The following STX5 variants were observed in gnomAD, a reference collection of about 807,000 sequenced individuals.
STX5 encodes the protein syntaxin 5, also known as syntaxin-5.
Under a neutral mutation model 42.9 loss-of-function variants are expected in STX5, and 15 were observed. The ratio of observed to expected loss-of-function variants is 0.35; its 90% CI spans 0.23 to 0.54. STX5 has a LOEUF of 0.54. Ranked by LOEUF, STX5 falls within the 20% of genes least tolerant of loss-of-function variation. The probability of loss-of-function intolerance (pLI) is 0.91; values close to 1 mark genes in which losing one functional copy is unlikely to be tolerated. For synonymous variants in STX5, 184 were observed against 173.2 expected (o/e 1.06, Z -0.49); for missense variants, 430 against 455.0 (o/e 0.95, Z 0.50).
chr11:62,812,843 T>C (rs2084633313), intron 10 of STX5, among the ~76,000 whole-genome samples: 1 of 151,722 alleles, frequency 6.6e-6, no homozygotes, highest in Non-Finnish European at 1.5e-5. Context: ...CCGGGTGCGG[T>C]GGCTCACGCC....
At chr11:62,808,104 A>G (rs1294023043) in intron 10 of STX5, 1 of 156,942 alleles carries the variant, frequency 6.4e-6, no homozygotes, top group East Asian at 1.9e-4. Flanking sequence ...GGAAAACATA[A>G]TGACACGGAC....
At chr11:62,812,204 A>C (rs2084624896) in intron 10 of STX5, among the ~76,000 whole-genome samples, 2 of 150,694 alleles carry the variant, frequency 1.3e-5, no homozygotes, top group African/African-American at 2.5e-5. Context: ...CAGCCTCCAG[A>C]GTAGCTGGGA....
At chr11:62,808,019 T>C (rs935267259) in intron 10 of STX5, 1 of 178,352 alleles carries the variant, frequency 5.6e-6, no homozygotes, top group African/African-American at 2.4e-5. Context: ...CTGGTGAGTA[T>C]GTATTATATT....
chr11:62,817,476 A>G (rs959345225), intron 10 of STX5, among the ~76,000 whole-genome samples: 10 of 152,230 alleles, frequency 6.6e-5, no homozygotes, highest in African/African-American at 1.9e-4. Context: ...CGAAAACAAA[A>G]AAGTCAACAT....
chr11:62,807,810 T>G, intron 10 of STX5, 182 bp from the exon 11 acceptor site: 1 of 1,148,736 alleles, frequency 8.7e-7, no homozygotes, highest in East Asian at 2.6e-5. Context: ...GAAAACCAAC[T>G]CTGCCATTTA....
chr11:62,820,317 C>T lies in STX5; in HGVS notation c.908+3849G>A, dbSNP rs892786959. On this transcript the variant is annotated intron_variant, in intron 10 of 10. Transcript: ENST00000294179. ...CTGTGAGGTGGAGCTTGCAGTGAGC[C>T]GAGATCACGCGACTGCACTCCAGCC... is the stretch of plus-strand genomic sequence containing the variant. Among the ~76,000 whole-genome samples, 4 of 148,952 alleles carry T rather than the reference C, an allele frequency of 2.7e-5. No individual in the cohort carries two copies. The Admixed American group carries it at 2.7e-4, about 10-fold the overall frequency.
intron 10 of STX5, among the ~76,000 whole-genome samples, chr11:62,820,951 T>C (rs2084734114): frequency 6.6e-6 from 1 of 152,200 alleles, no homozygotes; most frequent in Non-Finnish European, 1.5e-5. Context: ...TCTGTTTTAT[T>C]TCAATGGTTG....
At chr11:62,809,882 T>C (rs2084597487) in intron 10 of STX5, among the ~76,000 whole-genome samples, 1 of 151,272 alleles carries the variant, frequency 6.6e-6, no homozygotes, top group Admixed American at 6.6e-5. Context: ...GGTGGGCGGA[T>C]CACAAGTTCA....
chr11:62,823,842 T>G (rs138971336), intron 10 of STX5: 1 of 309,726 alleles, frequency 3.2e-6, no homozygotes, highest in East Asian at 7.4e-5. Flanking sequence ...TGTGAGTCAC[T>G]GTGCCAGCCT....
At chr11:62,813,873 C>T (rs1458220934) in intron 10 of STX5, among the ~76,000 whole-genome samples, 1 of 152,190 alleles carries the variant, frequency 6.6e-6, no homozygotes, top group Non-Finnish European at 1.5e-5. Flanking sequence ...AGAGCCAAGC[C>T]TTGATTTATG....
chr11:62,828,746 T>TAAATAAAC (rs141988478), intron 2 of STX5, among the ~76,000 whole-genome samples: 74 of 147,254 alleles, frequency 5.0e-4, no homozygotes, highest in East Asian at 2.0e-3. Context: ...AATAAATAAA[T>TAAATAAAC]AAACAAACAA....
intron 10 of STX5, among the ~76,000 whole-genome samples, chr11:62,808,237 G>T (rs1409065823): frequency 1.3e-5 from 2 of 151,396 alleles, no homozygotes; most frequent in Non-Finnish European, 1.5e-5. Context: ...ACCAGCCTAG[G>T]CAACATGGCA....
At chr11:62,829,805 C>T (rs2084835778) in intron 2 of STX5, among the ~76,000 whole-genome samples, 1 of 151,210 alleles carries the variant, frequency 6.6e-6, no homozygotes, top group Non-Finnish European at 1.5e-5. Context: ...TGACTCATAC[C>T]TGTAATCCCA....
rs139657014 is a variant in STX5, at chr11:62,807,616, G to A, written c.921C>T (p.Asn307=). The A allele has an allele frequency of 4.2e-5, 68 of 1,613,950 alleles. No homozygotes were observed. The highest frequency in any genetic ancestry group is 5.3e-5 in the Non-Finnish European group (63 of 1,180,008). The change falls in exon 11 of 11, where the codon AAC becomes AAT. Residue 307 remains asparagine (N), a synonymous_variant. Transcript: ENST00000294179. ...QEETIQRIDE[N]VLGAQLDVEA... The stretch of plus-strand genomic sequence containing the variant: ...CAACGTCCAGCTGGGCTCCTAGCAC[G>A]TTCTCGTCGATCCTGGGGACAAGGC...
intron 9 of STX5, 23 bp downstream of exon 9, chr11:62,824,436 T>C: frequency 6.2e-7 from 1 of 1,614,054 alleles, no homozygotes; most frequent in Non-Finnish European, 8.5e-7. Context: ...AAGCTGATTC[T>C]ACCTAGTTCA....
chr11:62,825,525 G>T lies in STX5; in HGVS notation c.438C>A (p.Leu146=), dbSNP rs773239319. 6.2e-7 allele frequency: 1 copy of T among 1,613,640 alleles called. No homozygotes were observed. The highest frequency in any genetic ancestry group is 1.1e-5 in the South Asian group (1 of 91,044). The change falls in exon 6 of 11, where the codon CTC becomes CTA. Residue 146 remains leucine (L), a synonymous_variant. Transcript: ENST00000294179. ...CCTGGAGCTGAGCAATTTGTTTGTT[G>T]AGGCTATTGATGTCCTGGTAAAAGA... The part of the protein sequence containing the change: ...TYIIKQDINS[L]NKQIAQLQDF...
At chr11:62,814,442 T>C (rs1362008299) in intron 10 of STX5, among the ~76,000 whole-genome samples, 1 of 149,014 alleles carries the variant, frequency 6.7e-6, no homozygotes, top group Admixed American at 6.9e-5. Context: ...ATTACAGGTG[T>C]GAGCCACCGC....
chr11:62,815,327 T>G (rs2084661705), intron 10 of STX5, among the ~76,000 whole-genome samples: 1 of 151,936 alleles, frequency 6.6e-6, no homozygotes. Flanking sequence ...GTTTTTATTT[T>G]ATTTATTTTT....
At chr11:62,807,695 C>T (rs1369478440) in intron 10 of STX5, 67 bp from the exon 11 acceptor site, 1 of 1,583,344 alleles carries the variant, frequency 6.3e-7, no homozygotes, top group African/African-American at 1.3e-5. Flanking sequence ...TGTTGAAGTC[C>T]ATTTATTGAC....
Sources: gnomAD v4.1 joint callset for allele counts (sites outside exome capture counted in the v4.1 genomes callset) on GRCh38, gnomAD v4.1.1 for gene constraint, MANE v1.5 for transcripts, NCBI Gene and HGNC (gene_info 2026-07-23, HGNC 2026-07-21) for gene names.